The following KLK8 variants were observed in gnomAD, a reference collection of about 807,000 sequenced individuals.
KLK8 encodes kallikrein-8.
Under a neutral mutation model 26.7 loss-of-function variants are expected in KLK8, and 18 were observed. That is an observed-to-expected ratio of 0.67 (90% confidence interval 0.47 to 1.00). The LOEUF is 1.00. Ranked by LOEUF, KLK8 falls within the 50% of genes least tolerant of loss-of-function variation. The pLI is 0.00. For synonymous variants in KLK8, 137 were observed against 127.1 expected, an observed-to-expected ratio of 1.08 and a Z score of -0.52; for missense variants, 301 against 331.7, an observed-to-expected ratio of 0.91 and a Z score of 0.72.
At chr19:50,997,804 T>A (rs2091184393) in exon 6 of KLK8, 18 of 1,614,208 alleles carry the variant, frequency 1.1e-5, no homozygotes, top group Non-Finnish European at 1.4e-5. Context: ...CCATCTGTGA[T>A]CTGCCCCGGG....
intron 5 of KLK8, chr19:50,999,244 C>T (rs968860848): frequency 6.6e-6 from 1 of 151,966 alleles, no homozygotes; most frequent in Non-Finnish European, 1.5e-5. Context: ...ACTCCCGGGT[C>T]TGAGGGAAGA....
At chr19:50,999,873 T>G in intron 5 of KLK8, 123 bp downstream of exon 4, 3 of 1,056,344 alleles carry the variant, frequency 2.8e-6, no homozygotes, top group Non-Finnish European at 4.0e-6. Flanking sequence ...CTTGTGAATC[T>G]CAACATCATG....
chr19:51,001,049 TG>T (rs2091219838), intron 3 of KLK8, 48 bp downstream of exon 2: 1 of 1,536,704 alleles, frequency 6.5e-7, no homozygotes, highest in Admixed American at 1.9e-5. Flanking sequence ...CCAGCGCCAC[TG>T]CTGCCTTCAG....
At chr19:51,000,090 C>T in exon 5 of KLK8, 1 of 1,614,070 alleles carries the variant, frequency 6.2e-7, no homozygotes, top group Admixed American at 1.7e-5. Context: ...TCACTTTGGA[C>T]CCCAGGGATG....
At chr19:50,996,993 A>G (rs561944108) in intron 6 of KLK8, among the ~76,000 whole-genome samples, 1 of 152,060 alleles carries the variant, frequency 6.6e-6, no homozygotes, top group African/African-American at 2.4e-5. Flanking sequence ...CACTATCTCT[A>G]CAGAACAATC....
intron 5 of KLK8, 140 bp from the exon 5 acceptor site, chr19:50,998,024 A>T (rs1213987538): frequency 4.1e-6 from 4 of 975,956 alleles, no homozygotes; most frequent in Non-Finnish European, 4.6e-6. Context: ...CACTGTGCAC[A>T]GGGGACATCA....
At position 51,001,079 on chromosome 19, in the gene KLK8, C is replaced by T. The variant is rs529257102; in HGVS notation, c.70+19G>A. ...CCTTCAGATCCCTCCCCTCCGGAGG[C>T]CTCCGCAACCCTCCTCACCTGCCCA... is the stretch of plus-strand genomic sequence containing the variant. On this transcript the variant is annotated intron_variant, in intron 3 of 6. Coordinates refer to ENST00000600767, the Ensembl canonical transcript of KLK8. 1.8e-5 allele frequency: 29 copies of T among 1,604,678 alleles called. No homozygotes were observed. The highest frequency in any genetic ancestry group is 2.2e-5 in the Non-Finnish European group (26 of 1,175,720).
chr19:50,998,048 T>C, intron 5 of KLK8, 164 bp from the exon 5 acceptor site: 1 of 758,094 alleles, frequency 1.3e-6, no homozygotes, highest in Middle Eastern at 3.6e-4. Flanking sequence ...CTCACCACAT[T>C]AAACGAAGCT....
intron 4 of KLK8, 32 bp from the exon 4 acceptor site, chr19:51,000,290 C>A (rs765649226): frequency 6.4e-7 from 1 of 1,554,730 alleles, no homozygotes; most frequent in Non-Finnish European, 8.7e-7. Flanking sequence ...GGGACCCAGG[C>A]AGGGGTATTG....
Position 50,996,108 on chromosome 19 carries a change from A to G in KLK8, c.734T>C (p.Ile245Thr), listed in dbSNP as rs2091162850. 1.2e-6 allele frequency: 2 copies of G among 1,614,082 alleles called. 1 individual carries two copies. Among genetic ancestry groups the G allele is most frequent in the South Asian group, 2.2e-5 (2 of 91,094 alleles). ...CTTGATCCAGTCCAGGTAGCGGCAG[A>G]TGTTGGTATAGACGCCAGGTTTGTC... Residue 245 changes from isoleucine (I) to threonine (T), a missense_variant, in exon 7 of 7, where the codon ATC becomes ACC. Coordinates refer to ENST00000600767, the Ensembl canonical transcript of KLK8.
intron 5 of KLK8, 30 bp downstream of exon 4, chr19:50,999,966 C>A: frequency 6.4e-7 from 1 of 1,564,992 alleles, no homozygotes; most frequent in Non-Finnish European, 8.7e-7. Context: ...AGCTCCTCCT[C>A]TCCCTCCCAT....
At position 50,997,984 on chromosome 19, in the gene KLK8, G is replaced by A. The variant is rs145273723; in HGVS notation, c.494-100C>T. 2.2e-4 allele frequency: 321 copies of A among 1,460,884 alleles called. 1 individual carries two copies. The East Asian group carries it at 7.0e-3, about 32-fold the overall frequency. The allele number at this position is 1,460,884 out of a possible 1,614,324, so 90.5% of individuals were successfully genotyped here. A position where few individuals can be genotyped will look rare whatever the true frequency, so the allele number is the denominator to read the frequency against. ...TTTCTTTCCAGGATGTAATGGGGGA[G>A]TTTTCCAGCTGCATGGGGGAATTTT... is the stretch of plus-strand genomic sequence containing the variant. On this transcript the variant is annotated intron_variant, in intron 5 of 6. Transcript: ENST00000600767.
Position 51,001,193 on chromosome 19 carries a change from C to G in KLK8, c.-8-18G>C. 9 of 1,605,346 alleles carry G rather than the reference C, an allele frequency of 5.6e-6. No individual in the cohort carries two copies. The highest frequency in any genetic ancestry group is 2.2e-5 in the East Asian group (1 of 44,732). On this transcript the variant is annotated intron_variant, in intron 2 of 6. Coordinates refer to ENST00000600767, the Ensembl canonical transcript of KLK8. ...GGTGAGGTCTGGGAAATGGAGAGGG[C>G]GGGGCCGGTAAACAGGAAGGAGGAG...
At chr19:50,997,671 A>AC in intron 6 of KLK8, 80 bp downstream of exon 5, 1 of 1,511,524 alleles carries the variant, frequency 6.6e-7, no homozygotes, top group Non-Finnish European at 9.1e-7. Flanking sequence ...CTCCCTTACC[A>AC]CCCCCACCCC....
rs758073433 is a variant in KLK8, at chr19:51,000,552, C to G, written c.102G>C (p.Leu34=). 5.0e-6 allele frequency: 8 copies of G among 1,614,140 alleles called. No homozygotes were observed. The South Asian group carries it at 7.7e-5, about 16-fold the overall frequency. The change falls in exon 4 of 7, where the codon CTG becomes CTC. Residue 34 remains leucine, a synonymous_variant. Coordinates refer to ENST00000600767, the Ensembl canonical transcript of KLK8. ...AATGGGGTTGGCACTCATGACCCCC[C>G]AGCACCTTGTCCTCCTGTGCCCTGG... is the stretch of plus-strand genomic sequence containing the variant.
chr19:51,001,100 G>A (rs1229409076), exon 3 of KLK8: 2 of 1,611,528 alleles, frequency 1.2e-6, no homozygotes. Context: ...CTCCTCACCT[G>A]CCCAGGCTCC....
Position 51,000,261 on chromosome 19 carries a change from G to T in KLK8, c.231-3C>A. On this transcript the variant is annotated splice_region_variant and splice_polypyrimidine_tract_variant and intron_variant, in intron 4 of 6. Transcript: ENST00000600767. ...CTCCCAGGCGTACTGTGTATTTCCT[G>T]TAATGGTGGGGATAGTTTGGGACCC... is the stretch of plus-strand genomic sequence containing the variant. The T allele has an allele frequency of 3.2e-6, 5 of 1,575,408 alleles. No homozygotes were observed. The highest frequency in any genetic ancestry group is 4.3e-6 in the Non-Finnish European group (5 of 1,155,436).
chr19:50,998,966 AC>A (rs879578730), intron 5 of KLK8: 1 of 152,202 alleles, frequency 6.6e-6, no homozygotes, highest in Non-Finnish European at 1.5e-5. Flanking sequence ...ATTTGCGAGC[AC>A]GTGTGTTTCC....
intron 6 of KLK8, among the ~76,000 whole-genome samples, chr19:50,996,510 A>T (rs989319854): frequency 6.6e-6 from 1 of 152,128 alleles, no homozygotes; most frequent in African/African-American, 2.4e-5. Context: ...GAGGCGGTAG[A>T]TCACTTGAAG....
Sources: allele counts gnomAD v4.1 joint callset (sites outside exome capture counted in the v4.1 genomes callset), GRCh38; gene constraint gnomAD v4.1.1; transcripts MANE v1.5; gene names NCBI Gene and HGNC (gene_info 2026-07-23, HGNC 2026-07-21).